The following STAU1 variants were observed in gnomAD, a reference collection of about 807,000 sequenced individuals.
The protein encoded by STAU1 is double-stranded RNA-binding protein Staufen homolog 1.
Under a neutral mutation model 62.9 loss-of-function variants are expected in STAU1, and 13 were observed. The observed-to-expected ratio is 0.21, with a 90% CI of 0.13 to 0.33. STAU1 has a LOEUF of 0.33. STAU1 is among the 10% of genes least tolerant of loss of function. The pLI is 1.00. For synonymous variants in STAU1, 269 were observed against 265.1 expected (o/e 1.01, Z -0.14); for missense variants, 571 against 712.1 (o/e 0.80, Z 2.25).
chr20:49,124,674 A>C lies in STAU1; in HGVS notation c.610-87T>G, dbSNP rs571195772. Reference sequence around the variant, plus strand: ...ACTGGCTGGCACACTTCACACAGACACAGGGAAGGGGAACCAAGGACAAGA... The same window carrying C: ...ACTGGCTGGCACACTTCACACAGACCCAGGGAAGGGGAACCAAGGACAAGA... On this transcript the variant is annotated intron_variant, in intron 6 of 13. Transcript: ENST00000371856. The C allele has an allele frequency of 7.2e-6, 10 of 1,392,506 alleles. No individual in the cohort carries two copies. In the Admixed American group the frequency reaches 1.2e-4, roughly 17 times the overall value. The allele number at this position is 1,392,506 out of a possible 1,614,324, so 86.3% of individuals were successfully genotyped here.
At chr20:49,216,331 A>C in the STAU1 span, among the ~76,000 whole-genome samples, 1 of 151,936 alleles carries the variant, frequency 6.6e-6, no homozygotes, top group African/African-American at 2.4e-5. Flanking sequence ...CTCGAGACCA[A>C]CCTGGCTAAC....
intron 5 of STAU1, among the ~76,000 whole-genome samples, chr20:49,148,199 A>T (rs1002542110): frequency 3.9e-5 from 6 of 152,184 alleles, no homozygotes; most frequent in African/African-American, 1.4e-4. Flanking sequence ...AAAATCCAAA[A>T]CCTAAAATGC....
chr20:49,140,651 T>C (rs1028098112), intron 5 of STAU1, among the ~76,000 whole-genome samples: 3 of 151,306 alleles, frequency 2.0e-5, no homozygotes, highest in Non-Finnish European at 2.9e-5. Context: ...AGCAAGGGAG[T>C]GGGGAGTAAC....
chr20:49,150,129 C>A (rs1032407020), intron 5 of STAU1, among the ~76,000 whole-genome samples: 6 of 152,206 alleles, frequency 3.9e-5, no homozygotes, highest in Admixed American at 1.3e-4. Flanking sequence ...AAGATATTCA[C>A]TAATGCTTTG....
chr20:49,202,680 T>C, the STAU1 span, among the ~76,000 whole-genome samples: 1 of 151,540 alleles, frequency 6.6e-6, no homozygotes, highest in African/African-American at 2.4e-5. Flanking sequence ...CTCAGCTCAG[T>C]AGTTCAAGAC....
At chr20:49,174,408 A>C (rs2093633270) in intron 1 of STAU1, 139 bp from the exon 2 acceptor site, 1 of 152,242 alleles carries the variant, frequency 6.6e-6, no homozygotes, top group South Asian at 2.1e-4. Context: ...TTGAGGCAGC[A>C]TGCAGTAGAG....
chr20:49,155,998 C>G (rs1358650510), intron 3 of STAU1, among the ~76,000 whole-genome samples: 2 of 152,192 alleles, frequency 1.3e-5, no homozygotes, highest in Non-Finnish European at 2.9e-5. Context: ...CAACCCTTCA[C>G]CAGCCATGCC....
chr20:49,167,803 C>T lies in STAU1; in HGVS notation c.-84-1518G>A, dbSNP rs151315239. Among the ~76,000 whole-genome samples, 149 of 152,184 alleles carry T rather than the reference C, an allele frequency of 9.8e-4. 1 individual carries two copies. The highest frequency in any genetic ancestry group is 3.6e-3 in the African/African-American group (148 of 41,522). ...CCTTTTCCTGCTTTTTGTAAACTAT[C>T]TTGAGAGCACTTTTTAAAACAAAAA... On this transcript the variant is annotated intron_variant, in intron 2 of 13. Coordinates refer to ENST00000371856, the MANE Select transcript of STAU1 (RefSeq NM_017453.4).
the STAU1 span, among the ~76,000 whole-genome samples, chr20:49,217,267 C>T: frequency 6.6e-6 from 1 of 152,260 alleles, no homozygotes; most frequent in East Asian, 1.9e-4. Flanking sequence ...CTTCCTCCTC[C>T]AGTGCTCCGT....
the STAU1 span, among the ~76,000 whole-genome samples, chr20:49,207,571 A>G: frequency 6.6e-6 from 1 of 152,132 alleles, no homozygotes; most frequent in Non-Finnish European, 1.5e-5. Context: ...GTTGGAGAGC[A>G]GTGGTGTGAT....
chr20:49,201,281 G>A, the STAU1 span, among the ~76,000 whole-genome samples: 1 of 152,020 alleles, frequency 6.6e-6, no homozygotes, highest in African/African-American at 2.4e-5. Flanking sequence ...AGGATACGAG[G>A]ATGGAATGAA....
intron 3 of STAU1, among the ~76,000 whole-genome samples, chr20:49,162,557 G>A (rs570264146): frequency 5.3e-4 from 81 of 152,160 alleles, no homozygotes; most frequent in South Asian, 3.5e-3. Flanking sequence ...GGCGGATCAC[G>A]AGGTCAGAAG....
intron 4 of STAU1, among the ~76,000 whole-genome samples, 184 bp from the exon 5 acceptor site, chr20:49,151,931 C>T (rs921799552): frequency 6.6e-6 from 1 of 152,196 alleles, no homozygotes; most frequent in African/African-American, 2.4e-5. Flanking sequence ...AATTGCTACA[C>T]AGTATAAGCA....
At position 49,114,083 on chromosome 20, in the gene STAU1, A is replaced by C. The variant is rs1182097231; in HGVS notation, c.*795T>G. 1 of 152,676 alleles carries C rather than the reference A, an allele frequency of 6.5e-6. No homozygotes were observed. The highest frequency in any genetic ancestry group is 2.4e-5 in the African/African-American group (1 of 41,460). 9.5% of individuals were successfully genotyped at this position (152,676 alleles called of 1,614,324 possible). ...CTGTTTCAGCTGAACCAGAGGGCAC[A>C]CAATTTGCATCACTGAAACTGTCCT... On this transcript the variant is annotated 3_prime_UTR_variant, in exon 14 of 14. Coordinates refer to ENST00000371856, the MANE Select transcript of STAU1 (RefSeq NM_017453.4).
At chr20:49,196,949 G>C in the STAU1 span, among the ~76,000 whole-genome samples, 2 of 152,144 alleles carry the variant, frequency 1.3e-5, no homozygotes, top group African/African-American at 4.8e-5. Flanking sequence ...CTGAGCTCGG[G>C]AGTTCAAAAC....
upstream of STAU1, among the ~76,000 whole-genome samples, chr20:49,191,393 T>C (rs1430054024): frequency 1.3e-5 from 2 of 152,202 alleles, no homozygotes; most frequent in African/African-American, 4.8e-5. Context: ...CAATTATCTG[T>C]TGAGTATATC....
chr20:49,122,643 C>T (rs964972587), intron 8 of STAU1, among the ~76,000 whole-genome samples: 4 of 152,114 alleles, frequency 2.6e-5, no homozygotes, highest in African/African-American at 7.2e-5. Context: ...GTTGGCTGGG[C>T]GAGGTGGCTC....
chr20:49,123,297 A>G, intron 7 of STAU1, 62 bp from the exon 8 acceptor site: 1 of 1,611,498 alleles, frequency 6.2e-7, no homozygotes. Flanking sequence ...TGGTCAACTC[A>G]GAGATCAGGA....
intron 5 of STAU1, among the ~76,000 whole-genome samples, chr20:49,149,251 A>AACACACACAC (rs34854738): frequency 0.035 from 4,652 of 131,932 alleles, 122 homozygotes; most frequent in East Asian, 0.07. Context: ...ACTGTCTCAA[A>AACACACACAC]ACACACACAC....
Sources: gnomAD v4.1 joint callset for allele counts (sites outside exome capture counted in the v4.1 genomes callset) on GRCh38, gnomAD v4.1.1 for gene constraint, MANE v1.5 for transcripts, NCBI Gene and HGNC (gene_info 2026-07-23, HGNC 2026-07-21) for gene names.